Variants in ATP8A2 observed in about 807,000 individuals in gnomAD.
ATP8A2 encodes the protein ATPase phospholipid transporting 8A2, also known as phospholipid-transporting ATPase IB.
A neutral mutation model predicts 165.6 loss-of-function variants in ATP8A2; 100 were observed. The observed-to-expected ratio is 0.60, with a 90% CI of 0.51 to 0.71. The LOEUF is 0.71. ATP8A2 is among the 30% of genes least tolerant of loss of function. The pLI is 0.00. For missense variants in ATP8A2, 1,227 were observed against 1,479.5 expected (o/e 0.83, Z 2.80); for synonymous variants, 543 against 548.8 (o/e 0.99, Z 0.15).
intron 1 of ATP8A2, among the ~76,000 whole-genome samples, chr13:25,388,440 A>G (rs2033132525): frequency 6.6e-6 from 1 of 152,146 alleles, no homozygotes; most frequent in Admixed American, 6.5e-5. Context: ...CAAGTGAGCA[A>G]TTCCTGTCCC....
chr13:25,922,214 T>C (rs1468377346), intron 33 of ATP8A2, among the ~76,000 whole-genome samples: 1 of 152,222 alleles, frequency 6.6e-6, no homozygotes, highest in Non-Finnish European at 1.5e-5. Flanking sequence ...AAAATCTCTG[T>C]GGTCAGTTTA....
At chr13:25,613,070 T>C (rs913158776) in intron 24 of ATP8A2, among the ~76,000 whole-genome samples, 3 of 152,174 alleles carry the variant, frequency 2.0e-5, no homozygotes, top group Non-Finnish European at 4.4e-5. Context: ...TGAATTCTTA[T>C]CCATTCTGCC....
chr13:25,554,529 A>ATG (rs71077486), intron 12 of ATP8A2, among the ~76,000 whole-genome samples: 2,338 of 140,422 alleles, frequency 0.017, 27 homozygotes, highest in East Asian at 0.042. Context: ...GTGTGTGTGT[A>ATG]TGTGTGTGTG....
chr13:25,397,530 C>T (rs2033470152), intron 1 of ATP8A2, among the ~76,000 whole-genome samples: 1 of 152,110 alleles, frequency 6.6e-6, no homozygotes, highest in African/African-American at 2.4e-5. Context: ...GGGCTGCTTG[C>T]AATATGGGTC....
chr13:25,395,711 T>A (rs936698162), intron 1 of ATP8A2, among the ~76,000 whole-genome samples: 2 of 152,114 alleles, frequency 1.3e-5, no homozygotes, highest in Non-Finnish European at 2.9e-5. Context: ...AATTTTTGAA[T>A]TTTTTTGTAG....
chr13:25,566,556 G>T (rs1018021620), intron 16 of ATP8A2, among the ~76,000 whole-genome samples: 15 of 152,142 alleles, frequency 9.9e-5, no homozygotes, highest in African/African-American at 3.4e-4. Context: ...TGACATAGGA[G>T]CTCCGGAGAC....
chr13:25,553,633 C>T (rs1461832224), intron 11 of ATP8A2, among the ~76,000 whole-genome samples, 160 bp from the exon 12 acceptor site: 3 of 152,190 alleles, frequency 2.0e-5, no homozygotes, highest in East Asian at 1.9e-4. Flanking sequence ...GCTGTGCAGT[C>T]GCATTGTGGG....
intron 2 of ATP8A2, among the ~76,000 whole-genome samples, chr13:25,481,329 G>T (rs191795880): frequency 6.6e-6 from 1 of 152,152 alleles, no homozygotes; most frequent in Non-Finnish European, 1.5e-5. Context: ...TGTAACTAGC[G>T]ACTGTGTGGC....
chr13:25,542,758 G>A (rs1233068472), intron 9 of ATP8A2, among the ~76,000 whole-genome samples: 1 of 151,936 alleles, frequency 6.6e-6, no homozygotes, highest in African/African-American at 2.4e-5. Context: ...GTTTCATTTA[G>A]CATACATAGC....
intron 24 of ATP8A2, among the ~76,000 whole-genome samples, chr13:25,615,447 A>G (rs2040799100): frequency 6.6e-6 from 1 of 152,060 alleles, no homozygotes; most frequent in Non-Finnish European, 1.5e-5. Flanking sequence ...AGGGCTGAGA[A>G]CTTGCCCCAG....
At chr13:25,466,514 A>G (rs2035672726) in intron 1 of ATP8A2, among the ~76,000 whole-genome samples, 1 of 152,188 alleles carries the variant, frequency 6.6e-6, no homozygotes, top group South Asian at 2.1e-4. Flanking sequence ...CTGGTAAGTA[A>G]CCATGGTTAC....
chr13:25,936,941 T>G (rs542446882), intron 33 of ATP8A2, among the ~76,000 whole-genome samples: 3 of 152,334 alleles, frequency 2.0e-5, no homozygotes, highest in African/African-American at 7.2e-5. Context: ...AGCCCTCCGC[T>G]TATTGAAGCA....
At chr13:25,764,039 C>A (rs1022076955) in intron 25 of ATP8A2, among the ~76,000 whole-genome samples, 1 of 152,022 alleles carries the variant, frequency 6.6e-6, no homozygotes, top group Non-Finnish European at 1.5e-5. Context: ...ATAACTATTT[C>A]AATAAGAAAA....
chr13:26,006,989 T>G (rs1044098393), intron 35 of ATP8A2, among the ~76,000 whole-genome samples: 6 of 149,536 alleles, frequency 4.0e-5, no homozygotes, highest in African/African-American at 1.2e-4. Context: ...AGATTCTCTC[T>G]TTAAAAAAAA....
At chr13:25,956,441 TG>T (rs1272042570) in intron 33 of ATP8A2, among the ~76,000 whole-genome samples, 3 of 152,146 alleles carry the variant, frequency 2.0e-5, no homozygotes, top group African/African-American at 7.2e-5. Context: ...ACAAAATCAA[TG>T]TGCAAAAATC....
chr13:25,941,985 C>T (rs905023019), intron 33 of ATP8A2, among the ~76,000 whole-genome samples: 2 of 152,066 alleles, frequency 1.3e-5, no homozygotes, highest in Non-Finnish European at 2.9e-5. Flanking sequence ...ATGTATTCTG[C>T]GTGCATAAAC....
At chr13:25,680,836 G>C (rs1593185960) in intron 24 of ATP8A2, among the ~76,000 whole-genome samples, 1 of 152,146 alleles carries the variant, frequency 6.6e-6, no homozygotes, top group East Asian at 1.9e-4. Context: ...TGGCATTTGG[G>C]TTTAGGTTGT....
rs534117884 is a variant in ATP8A2 at position 25,480,560 on chromosome 13, C to T, written c.221+11439C>T. 6.7e-5 allele frequency among the ~76,000 whole-genome samples: 10 copies of T among 149,666 alleles called. 1 individual carries two copies. The East Asian group carries it at 9.9e-4, about 15-fold the overall frequency. ...CGCTCCCCACATCTCAGAAGATGGG[C>T]GGCCGGGCAGAGACGCTCCTCCCTT... On this transcript the variant is annotated intron_variant, in intron 2 of 36. Coordinates refer to ENST00000381655, the MANE Select transcript of ATP8A2 (RefSeq NM_016529.6).
chr13:25,799,368 A>ATCACAG, intron 27 of ATP8A2, among the ~76,000 whole-genome samples: 1 of 152,222 alleles, frequency 6.6e-6, no homozygotes, highest in Admixed American at 6.5e-5. Flanking sequence ...AACGAAGGTC[A>ATCACAG]CAGTGATCTT....
Sources: gnomAD v4.1 joint callset for allele counts (sites outside exome capture counted in the v4.1 genomes callset) on GRCh38, gnomAD v4.1.1 for gene constraint, MANE v1.5 for transcripts, NCBI Gene and HGNC (gene_info 2026-07-23, HGNC 2026-07-21) for gene names.